The following BCL2 variants were observed in gnomAD, a reference collection of about 807,000 sequenced individuals.
The protein encoded by BCL2 is apoptosis regulator Bcl-2.
Under a neutral mutation model 14.2 loss-of-function variants are expected in BCL2, and 1 was observed. The observed-to-expected ratio is 0.07, with a 90% CI of 0.02 to 0.33. The LOEUF is 0.33. BCL2 is among the 10% of genes least tolerant of loss of function. The pLI is 0.99. For missense variants in BCL2, 247 were observed against 305.9 expected (o/e 0.81, Z 1.44); for synonymous variants, 151 against 137.2 (o/e 1.10, Z -0.70).
At chr18:63,300,961 T>C (rs1977971) in intron 2 of BCL2, among the ~76,000 whole-genome samples, 63,589 of 151,916 alleles carry the variant, frequency 0.42, 15,742 homozygotes, top group Non-Finnish European at 0.55. Context: ...GGGTGGGGAG[T>C]GGAAATGACA....
intron 2 of BCL2, among the ~76,000 whole-genome samples, chr18:63,311,398 A>G (rs1334268303): frequency 2.0e-5 from 3 of 152,236 alleles, no homozygotes; most frequent in Non-Finnish European, 4.4e-5. Flanking sequence ...ACTCTGTTGC[A>G]GCTTAACTGT....
At chr18:63,184,120 G>A (rs949932953) in intron 2 of BCL2, among the ~76,000 whole-genome samples, 3 of 152,208 alleles carry the variant, frequency 2.0e-5, no homozygotes, top group African/African-American at 7.2e-5. Flanking sequence ...ATCAGAGCAG[G>A]GACTCATCGG....
At chr18:63,270,004 TC>T (rs1435849427) in intron 2 of BCL2, among the ~76,000 whole-genome samples, 2 of 152,290 alleles carry the variant, frequency 1.3e-5, no homozygotes, top group East Asian at 1.9e-4. Flanking sequence ...CAAAAATTTA[TC>T]TTTTTTCCTT....
intron 2 of BCL2, among the ~76,000 whole-genome samples, chr18:63,266,818 C>T (rs1911846827): frequency 6.6e-6 from 1 of 152,154 alleles, no homozygotes. Context: ...GGAATCCTCC[C>T]TTTCTCCTAA....
intron 2 of BCL2, among the ~76,000 whole-genome samples, chr18:63,294,067 G>A (rs534867101): frequency 1.3e-5 from 2 of 152,086 alleles, no homozygotes; most frequent in African/African-American, 4.8e-5. Flanking sequence ...ATAATTCAGC[G>A]CCTTATTTTG....
In BCL2 at chr18:63,124,913, AGCCACT is replaced by A. The variant is rs1450593081; in HGVS notation, c.*3706_*3711del. ...ATAAGTGATAAGAAAGTCTAAAAAC[AGCCACT>A]GCCTTAAAAGTACAGTTGGAATTAA... On this transcript the variant is annotated 3_prime_UTR_variant, in exon 3 of 3. Coordinates refer to ENST00000333681, the MANE Select transcript of BCL2 (RefSeq NM_000633.3). 4.5e-6 allele frequency: 1 copy of A among 223,698 alleles called. No homozygotes were observed. Among genetic ancestry groups the A allele is most frequent in the Non-Finnish European group, 8.9e-6 (1 of 111,848 alleles). 13.9% of individuals were successfully genotyped at this position (223,698 alleles called of 1,614,324 possible). A position where few individuals can be genotyped will look rare whatever the true frequency, so the allele number is the denominator to read the frequency against.
At chr18:63,221,820 G>GT (rs2144161409) in intron 2 of BCL2, among the ~76,000 whole-genome samples, 1 of 152,332 alleles carries the variant, frequency 6.6e-6, no homozygotes, top group South Asian at 2.1e-4. Context: ...ACTTTCAGTT[G>GT]TAAGATCGGA....
At chr18:63,178,131 T>C (rs1014629135) in intron 2 of BCL2, among the ~76,000 whole-genome samples, 9 of 152,116 alleles carry the variant, frequency 5.9e-5, no homozygotes, top group Admixed American at 4.6e-4. Flanking sequence ...CATGAAAGCA[T>C]TGGTTATGGC....
At chr18:63,269,665 T>C (rs1433213718) in intron 2 of BCL2, among the ~76,000 whole-genome samples, 1 of 152,220 alleles carries the variant, frequency 6.6e-6, no homozygotes, top group African/African-American at 2.4e-5. Context: ...CAGAGTTTAA[T>C]TGACTTAAAA....
chr18:63,226,731 G>A (rs1721767746), intron 2 of BCL2, among the ~76,000 whole-genome samples: 1 of 152,052 alleles, frequency 6.6e-6, no homozygotes, highest in Non-Finnish European at 1.5e-5. Flanking sequence ...GGAGAAACAT[G>A]TAGAAGAATG....
At chr18:63,266,874 AGTGC>A (rs1911848702) in intron 2 of BCL2, among the ~76,000 whole-genome samples, 2 of 152,196 alleles carry the variant, frequency 1.3e-5, no homozygotes, top group Non-Finnish European at 2.9e-5. Context: ...CCTTTAGGTC[AGTGC>A]CTGGCACACA....
At chr18:63,181,752 GTGGA>G (rs1915485538) in intron 2 of BCL2, among the ~76,000 whole-genome samples, 1 of 152,164 alleles carries the variant, frequency 6.6e-6, no homozygotes, top group Non-Finnish European at 1.5e-5. Flanking sequence ...TCTCTGTTTT[GTGGA>G]TGAAGAAACA....
At chr18:63,252,500 G>A (rs1047828761) in intron 2 of BCL2, among the ~76,000 whole-genome samples, 4 of 152,278 alleles carry the variant, frequency 2.6e-5, no homozygotes, top group African/African-American at 7.2e-5. Context: ...GGAGGAACCC[G>A]GTGGGAGGCA....
chr18:63,248,026 C>T (rs933589016), intron 2 of BCL2, among the ~76,000 whole-genome samples: 4 of 152,128 alleles, frequency 2.6e-5, no homozygotes, highest in African/African-American at 9.7e-5. Flanking sequence ...GCCAAGCAGC[C>T]CAAAAGTTAG....
chr18:63,209,172 C>T (rs1403063510), intron 2 of BCL2, among the ~76,000 whole-genome samples: 5 of 152,152 alleles, frequency 3.3e-5, no homozygotes, highest in Non-Finnish European at 7.4e-5. Flanking sequence ...CAAGGAGACC[C>T]GGCCTCCTCT....
At chr18:63,143,111 C>T (rs986623480) in intron 2 of BCL2, among the ~76,000 whole-genome samples, 2 of 152,196 alleles carry the variant, frequency 1.3e-5, no homozygotes, top group Admixed American at 6.5e-5. Flanking sequence ...TAGCTGTTTA[C>T]GGCGAAGGAC....
intron 2 of BCL2, among the ~76,000 whole-genome samples, chr18:63,293,398 T>A (rs866659609): frequency 6.6e-6 from 1 of 152,228 alleles, no homozygotes; most frequent in Non-Finnish European, 1.5e-5. Context: ...ATCCCCAATA[T>A]GCAGGTTGTC....
intron 2 of BCL2, among the ~76,000 whole-genome samples, chr18:63,248,978 A>T (rs570868627): frequency 6.6e-6 from 1 of 152,306 alleles, no homozygotes; most frequent in African/African-American, 2.4e-5. Context: ...GTGCAACATA[A>T]TTCTGATTCC....
Position 63,318,567 on chromosome 18 carries a change from C to T in BCL2, c.100G>A (p.Asp34Asn). The T allele has an allele frequency of 1.3e-6, 2 of 1,596,986 alleles. No homozygotes were observed. Among genetic ancestry groups the T allele is most frequent in the Non-Finnish European group, 1.7e-6 (2 of 1,173,164 alleles). Residue 34 changes from aspartate (D) to asparagine (N), a missense_variant, in exon 2 of 3, where the codon GAT (aspartate) becomes AAT (asparagine). Physicochemically the swap from Asp to Asn is conservative, Grantham distance 23 (BLOSUM62 1). Transcript: ENST00000333681. The surrounding 1 kb of genome is among the most constrained non-coding windows in gnomAD (Gnocchi z 7.4). Reference protein sequence around the residue: ...SQRGYEWDAGDVGAAPPGAAP... With the variant: ...SQRGYEWDAGNVGAAPPGAAP... ...GCCCCCGGGGGCGCGGCGCCCACAT[C>T]TCCCGCATCCCACTCGTAGCCCCTC...
Sources: allele counts gnomAD v4.1 joint callset (sites outside exome capture counted in the v4.1 genomes callset), GRCh38; gene constraint gnomAD v4.1.1; non-coding constraint Gnocchi (gnomAD v3.1); transcripts MANE v1.5; gene names NCBI Gene and HGNC (gene_info 2026-07-23, HGNC 2026-07-21).